TMEM201: variants seen among roughly 807,000 people sequenced by gnomAD.
TMEM201 encodes the protein transmembrane protein 201.
A neutral mutation model predicts 63.4 loss-of-function variants in TMEM201; 26 were observed. That is an observed-to-expected ratio of 0.41 (90% CI 0.30 to 0.57). The LOEUF is 0.57. Ranked by LOEUF, TMEM201 falls within the 20% of genes least tolerant of loss-of-function variation. The probability of loss-of-function intolerance (pLI) is 0.29; values close to 1 mark genes in which losing one functional copy is unlikely to be tolerated. For synonymous variants in TMEM201, 417 were observed against 421.6 expected (o/e 0.99, Z 0.14); for missense variants, 794 against 917.7 (o/e 0.87, Z 1.74).
In TMEM201 at chr1:9,614,349, A is replaced by G. The variant is rs1309338857; in HGVS notation, c.*1266A>G. 2 of 151,894 alleles carry G rather than the reference A, an allele frequency of 1.3e-5. No individual in the cohort carries two copies. The highest frequency in any genetic ancestry group is 2.9e-5 in the Non-Finnish European group (2 of 67,980). The allele number at this position is 151,894 out of a possible 1,614,324, so 9.4% of individuals were successfully genotyped here. A position where few individuals can be genotyped will look rare whatever the true frequency, so the allele number is the denominator to read the frequency against. ...CAGGATGCCCCCAACTCTCCCTGCC[A>G]TGGAGGATTCTTTTTTTTAAGCTTT... On this transcript the variant is annotated 3_prime_UTR_variant, in exon 11 of 11. Coordinates refer to ENST00000340381, the MANE Select transcript of TMEM201 (RefSeq NM_001130924.3).
rs1360254992 is a variant in TMEM201, at chr1:9,596,990, G to C, written c.366G>C (p.Lys122Asn). 5 of 1,612,984 alleles carry C rather than the reference G, an allele frequency of 3.1e-6. No individual in the cohort carries two copies. The highest frequency in any genetic ancestry group is 4.2e-6 in the Non-Finnish European group (5 of 1,179,686). ...TGAGCAGCCAAGTCCTGCTGTGCAA[G>C]AGGTGCAACCACCACCAGACCACCA... ...QWVSSQVLLC[K>N]RCNHHQTTKI... The change falls in exon 3 of 11, where the codon AAG becomes AAC. Residue 122 changes from lysine to asparagine, a missense_variant. Transcript: ENST00000340381.
chr1:9,613,104 G>A lies in TMEM201; in HGVS notation c.*21G>A. 6.5e-7 allele frequency: 1 copy of A among 1,548,534 alleles called. No homozygotes were observed. On this transcript the variant is annotated 3_prime_UTR_variant, in exon 11 of 11. Coordinates refer to ENST00000340381, the MANE Select transcript of TMEM201 (RefSeq NM_001130924.3). ...GCTGACCCACCGTTGGAGCCCCTCG[G>A]AGGGGAGCAACCCGGTGCCTGCTGC...
intron 3 of TMEM201, 117 bp from the exon 4 acceptor site, chr1:9,598,332 G>GC (rs369988134): frequency 1.6e-6 from 2 of 1,271,204 alleles, no homozygotes; most frequent in Non-Finnish European, 2.2e-6. Context: ...GGGTTGACTT[G>GC]CCCCCGGTCA....
rs1190746078 is a variant in TMEM201, at chr1:9,601,417, A to G, written c.919A>G (p.Thr307Ala). The change falls in exon 5 of 11, where the codon ACC becomes GCC. Residue 307 changes from threonine to alanine, a missense_variant. Transcript: ENST00000340381. Reference sequence around the variant, plus strand: ...GGGCGTCGTGGCACTGGGCCTACTCACCTGCCTGCTGGCAATGCTGCTGGC... The same window carrying G: ...GGGCGTCGTGGCACTGGGCCTACTCGCCTGCCTGCTGGCAATGCTGCTGGC... ...QTGVVALGLL[T>A]CLLAMLLAGR... 1.9e-6 allele frequency: 3 copies of G among 1,595,252 alleles called. No individual in the cohort carries two copies. The highest frequency in any genetic ancestry group is 2.2e-5 in the East Asian group (1 of 44,734).
Position 9,605,479 on chromosome 1 carries a change from T to C in TMEM201, c.1161-2078T>C, listed in dbSNP as rs1644226088. Among the ~76,000 whole-genome samples, 2 of 152,192 alleles carry C rather than the reference T, an allele frequency of 1.3e-5. No homozygotes were observed. Among genetic ancestry groups the C allele is most frequent in the Admixed American group, 1.3e-4 (2 of 15,282 alleles). On this transcript the variant is annotated intron_variant, in intron 6 of 10. Transcript: ENST00000340381. The surrounding 1 kb of genome is among the most constrained non-coding windows in gnomAD (Gnocchi z 5.7). ...GGGGGGGGTCTCTCGCCAAAGGAAA[T>C]GTTAGCACCTTTGGAGTTCTCCAGG... is the stretch of plus-strand genomic sequence containing the variant.
rs761084927 is a variant in TMEM201 at position 9,595,998 on chromosome 1, C to T, written c.222C>T (p.Asn74=). The T allele has an allele frequency of 9.9e-6, 16 of 1,612,540 alleles. No homozygotes were observed. Among genetic ancestry groups the T allele is most frequent in the South Asian group, 6.6e-5 (6 of 91,038 alleles). The change falls in exon 2 of 11, where the codon AAC becomes AAT. Residue 74 remains asparagine, a synonymous_variant. Transcript: ENST00000340381. Reference sequence around the variant, plus strand: ...ACTGTCCCCACTGCGAGCAGTACAACGGCTTCCAGGAGGTGTGGGTCACAG... The same window carrying T: ...ACTGTCCCCACTGCGAGCAGTACAATGGCTTCCAGGAGGTGTGGGTCACAG... ...CWDCPHCEQY[N]GFQENGDYNK...
chr1:9,608,187 A>C lies in TMEM201; in HGVS notation c.1393+398A>C, dbSNP rs145362080. ...CAGGAGTTGGAAGCTGCAGTGAGCT[A>C]TGATCACGCCACTGCATTCCACCAT... On this transcript the variant is annotated intron_variant, in intron 7 of 10. Coordinates refer to ENST00000340381, the MANE Select transcript of TMEM201 (RefSeq NM_001130924.3). The surrounding 1 kb of genome is among the most constrained non-coding windows in gnomAD (Gnocchi z 4.3). 1.0e-2 allele frequency among the ~76,000 whole-genome samples: 1,516 copies of C among 152,284 alleles called. 9 individuals carry two copies. Among genetic ancestry groups the C allele is most frequent in the Non-Finnish European group, 0.016 (1,104 of 68,018 alleles).
At chr1:9,611,184 G>T in intron 9 of TMEM201, 5 of 591,596 alleles carry the variant, frequency 8.5e-6, no homozygotes, top group Non-Finnish European at 1.3e-5. Flanking sequence ...ACTTTCACAT[G>T]AATTTGTAGA....
chr1:9,601,599 G>A (rs901219113), intron 5 of TMEM201, 145 bp downstream of exon 5: 15 of 862,574 alleles, frequency 1.7e-5, no homozygotes, highest in Non-Finnish European at 2.4e-5. Context: ...TGGTCCCAGG[G>A]GCTGGGAGTC....
chr1:9,601,030 A>T, intron 4 of TMEM201, 75 bp from the exon 5 acceptor site: 1 of 1,356,672 alleles, frequency 7.4e-7, no homozygotes, highest in Non-Finnish European at 1.0e-6. Context: ...AGAACCCCGC[A>T]CAGACTGGCA....
intron 4 of TMEM201, among the ~76,000 whole-genome samples, chr1:9,598,958 T>C (rs1415790129): frequency 1.3e-5 from 2 of 151,848 alleles, no homozygotes; most frequent in Non-Finnish European, 2.9e-5. Flanking sequence ...CTTTTTTTTT[T>C]TTAAACAGAG....
At chr1:9,593,001 G>C (rs1643946825) in intron 1 of TMEM201, among the ~76,000 whole-genome samples, 1 of 152,178 alleles carries the variant, frequency 6.6e-6, no homozygotes, top group African/African-American at 2.4e-5. Context: ...CTCAAACCTT[G>C]CCCACCAACT....
intron 1 of TMEM201, among the ~76,000 whole-genome samples, chr1:9,590,801 A>T (rs1481541502): frequency 6.6e-6 from 1 of 152,190 alleles, no homozygotes; most frequent in Non-Finnish European, 1.5e-5. Context: ...TAAATTGGCC[A>T]CTGTCACGAT....
At position 9,613,017 on chromosome 1, in the gene TMEM201, C is replaced by T. The variant is rs781233560; in HGVS notation, c.1935C>T (p.Leu645=). 1.4e-5 allele frequency: 22 copies of T among 1,551,488 alleles called. No individual in the cohort carries two copies. The highest frequency in any genetic ancestry group is 1.8e-5 in the Non-Finnish European group (21 of 1,147,010). Reference sequence around the variant, plus strand: ...TCGGCCCTTCCCTGGTCCGGGGCCTCCTGGCCGTGAGCTTGGCCGCCAACG... The same window carrying T: ...TCGGCCCTTCCCTGGTCCGGGGCCTTCTGGCCGTGAGCTTGGCCGCCAACG... ...GRFGPSLVRG[L]LAVSLAANAL... The change falls in exon 11 of 11, where the codon CTC becomes CTT. Residue 645 remains leucine, a synonymous_variant. Coordinates refer to ENST00000340381, the MANE Select transcript of TMEM201 (RefSeq NM_001130924.3).
chr1:9,594,459 C>G (rs1024242569), intron 1 of TMEM201, among the ~76,000 whole-genome samples: 28 of 152,216 alleles, frequency 1.8e-4, no homozygotes, highest in African/African-American at 4.1e-4. Flanking sequence ...AGCCTCCCCC[C>G]ACTCCATGTA....
Position 9,608,177 on chromosome 1 carries a change from G to A in TMEM201, c.1393+388G>A, listed in dbSNP as rs139240388. On this transcript the variant is annotated intron_variant, in intron 7 of 10. Transcript: ENST00000340381. The surrounding 1 kb of genome is among the most constrained non-coding windows in gnomAD (Gnocchi z 4.3). ...CGGTTGAACCCAGGAGTTGGAAGCT[G>A]CAGTGAGCTATGATCACGCCACTGC... Among the ~76,000 whole-genome samples the A allele has an allele frequency of 7.4e-4, 113 of 152,318 alleles. 1 individual carries two copies. In the East Asian group the frequency reaches 0.018, roughly 24 times the overall value.
chr1:9,599,749 A>G (rs1405524538), intron 4 of TMEM201, among the ~76,000 whole-genome samples: 1 of 152,024 alleles, frequency 6.6e-6, no homozygotes, highest in East Asian at 1.9e-4. Context: ...CAGCCTCCCA[A>G]GTAGCTGGGA....
At chr1:9,592,685 G>A (rs1569906834) in intron 1 of TMEM201, among the ~76,000 whole-genome samples, 1 of 36,016 alleles carries the variant, frequency 2.8e-5, no homozygotes, top group African/African-American at 4.8e-5. Context: ...AAGGACACGT[G>A]CCCGTCTTGT....
Position 9,604,624 on chromosome 1 carries a change from G to C in TMEM201, c.1160+2352G>C. 1.0e-6 allele frequency: 1 copy of C among 985,612 alleles called. No homozygotes were observed. The highest frequency in any genetic ancestry group is 1.2e-6 in the Non-Finnish European group (1 of 829,944). 61.1% of individuals were successfully genotyped at this position (985,612 alleles called of 1,614,324 possible). On this transcript the variant is annotated intron_variant, in intron 6 of 10. Transcript: ENST00000340381. The surrounding 1 kb of genome is among the most constrained non-coding windows in gnomAD (Gnocchi z 4.1). Reference sequence around the variant, plus strand: ...GGGGTCATCCTAGGTATGGGTGACCGTCCCTGAGACATAAGCGAGGTAGAT... The same window carrying C: ...GGGGTCATCCTAGGTATGGGTGACCCTCCCTGAGACATAAGCGAGGTAGAT...
Sources: allele counts gnomAD v4.1 joint callset (sites outside exome capture counted in the v4.1 genomes callset), GRCh38; gene constraint gnomAD v4.1.1; non-coding constraint Gnocchi (gnomAD v3.1); transcripts MANE v1.5; gene names NCBI Gene and HGNC (gene_info 2026-07-23, HGNC 2026-07-21).